The following SLC7A6OS variants were observed in gnomAD, a reference collection of about 807,000 sequenced individuals.
SLC7A6OS encodes solute carrier family 7 member 6 opposite strand, also known as probable RNA polymerase II nuclear localization protein SLC7A6OS.
SLC7A6OS carries 22 observed loss-of-function variants against 34.3 expected under a neutral mutation model. The observed-to-expected ratio is 0.64, with a 90% CI of 0.46 to 0.92. SLC7A6OS has a LOEUF of 0.92. SLC7A6OS is among the 40% of genes least tolerant of loss of function. SLC7A6OS has a pLI of 0.00. For missense variants in SLC7A6OS, 434 were observed against 407.7 expected (o/e 1.06, Z -0.56); for synonymous variants, 199 against 165.0 (o/e 1.21, Z -1.58).
chr16:68,308,054 A>G (rs1369864993), intron 2 of SLC7A6OS, among the ~76,000 whole-genome samples: 1 of 151,996 alleles, frequency 6.6e-6, no homozygotes, highest in Non-Finnish European at 1.5e-5. Context: ...GGCGCCCGCC[A>G]CCACGCCCGG....
intron 2 of SLC7A6OS, 67 bp from the exon 3 acceptor site, chr16:68,304,299 C>A: frequency 6.9e-7 from 1 of 1,446,076 alleles, no homozygotes; most frequent in South Asian, 1.2e-5. Context: ...GAGGAGGAAC[C>A]TATGAGTTGG....
At chr16:68,302,715 G>A (rs1417559442) in intron 3 of SLC7A6OS, among the ~76,000 whole-genome samples, 2 of 152,212 alleles carry the variant, frequency 1.3e-5, no homozygotes, top group Non-Finnish European at 1.5e-5. Context: ...GATAGGACAT[G>A]CTGGACCCCA....
intron 2 of SLC7A6OS, among the ~76,000 whole-genome samples, chr16:68,307,121 C>G (rs2043333052): frequency 6.6e-6 from 1 of 152,146 alleles, no homozygotes; most frequent in South Asian, 2.1e-4. Context: ...ATGTGTCAAC[C>G]TCTTGGATAT....
chr16:68,298,740 AC>A lies in SLC7A6OS; in HGVS notation c.*2534del, dbSNP rs1425253922. ...TTCTGGTGCTCAGGCTGGGCTCTCC[AC>A]CCAAGTTAGGCCTGCTCTGGCCTAA... is the stretch of plus-strand genomic sequence containing the variant. On this transcript the variant is annotated 3_prime_UTR_variant, in exon 5 of 5. Coordinates refer to ENST00000263997, the MANE Select transcript of SLC7A6OS (RefSeq NM_032178.3). 6.6e-6 allele frequency: 1 copy of A among 152,190 alleles called. No individual in the cohort carries two copies. The highest frequency in any genetic ancestry group is 1.5e-5 in the Non-Finnish European group (1 of 68,072). 9.4% of individuals were successfully genotyped at this position (152,190 alleles called of 1,614,324 possible).
intron 2 of SLC7A6OS, among the ~76,000 whole-genome samples, chr16:68,308,439 C>T (rs572832070): frequency 1.3e-5 from 2 of 151,544 alleles, no homozygotes; most frequent in African/African-American, 4.8e-5. Flanking sequence ...ACCAGCCTGG[C>T]CAAGGTGGCG....
Position 68,300,599 on chromosome 16 carries a change from T to C in SLC7A6OS, c.*676A>G, listed in dbSNP as rs1281586356. 1.0e-6 allele frequency: 1 copy of C among 983,534 alleles called. No homozygotes were observed. The highest frequency in any genetic ancestry group is 1.2e-6 in the Non-Finnish European group (1 of 828,292). The allele number at this position is 983,534 out of a possible 1,614,324, so 60.9% of individuals were successfully genotyped here. On this transcript the variant is annotated 3_prime_UTR_variant, in exon 5 of 5. Coordinates refer to ENST00000263997, the MANE Select transcript of SLC7A6OS (RefSeq NM_032178.3). ...TTAGATATTCAGATTTAAAAGGTTT[T>C]CAAAGAATTACTTTCTTCCATGTTC...
intron 2 of SLC7A6OS, among the ~76,000 whole-genome samples, chr16:68,305,542 C>A (rs1171492950): frequency 6.6e-6 from 1 of 152,144 alleles, no homozygotes; most frequent in African/African-American, 2.4e-5. Flanking sequence ...CAGCTCCAAG[C>A]AGACACCACG....
intron 4 of SLC7A6OS, chr16:68,302,008 C>T (rs147389091): frequency 0.012 from 2,385 of 193,016 alleles, 30 homozygotes; most frequent in Middle Eastern, 0.038. Context: ...CCTCTCTCTT[C>T]ATTGGTTTCT....
chr16:68,307,026 C>T (rs187758763), intron 2 of SLC7A6OS, among the ~76,000 whole-genome samples: 7 of 152,262 alleles, frequency 4.6e-5, no homozygotes, highest in Non-Finnish European at 1.0e-4. Flanking sequence ...TTTCACTACA[C>T]ACAGCATTTT....
In SLC7A6OS at chr16:68,302,469, G is replaced by A. The variant is rs143420120; in HGVS notation, c.711C>T (p.Tyr237=). 1.9e-4 allele frequency: 304 copies of A among 1,614,054 alleles called. 1 individual carries two copies. In the East Asian group the frequency reaches 5.7e-3, roughly 30 times the overall value. Residue 237 remains tyrosine, a synonymous_variant, in exon 4 of 5, where the codon TAC becomes TAT. Transcript: ENST00000263997. ...CACTGTTCTCGTCATCTTCATCGTC[G>A]TAAATGTCCTCTGGTTCTTGATCAT... ...VNDDQEPEDI[Y]DDEDDENSEN... is the part of the protein sequence containing the mutation.
rs2043246148 is a variant in SLC7A6OS at position 68,300,218 on chromosome 16, A to G, written c.*1057T>C. ...TCAGTTTCTCAGTTGCGCTAATCACATTTCAAGTGCTCAGCAGCCACCCGT... is the reference window on the plus strand; with the variant it reads ...TCAGTTTCTCAGTTGCGCTAATCACGTTTCAAGTGCTCAGCAGCCACCCGT... On this transcript the variant is annotated 3_prime_UTR_variant, in exon 5 of 5. Transcript: ENST00000263997. 1 of 152,242 alleles carries G rather than the reference A, an allele frequency of 6.6e-6. No individual in the cohort carries two copies. The highest frequency in any genetic ancestry group is 2.1e-4 in the South Asian group (1 of 4,834). 9.4% of individuals were successfully genotyped at this position (152,242 alleles called of 1,614,324 possible). A position where few individuals can be genotyped will look rare whatever the true frequency, so the allele number is the denominator to read the frequency against.
At chr16:68,306,703 G>A (rs1335430221) in intron 2 of SLC7A6OS, among the ~76,000 whole-genome samples, 1 of 151,964 alleles carries the variant, frequency 6.6e-6, no homozygotes, top group Non-Finnish European at 1.5e-5. Flanking sequence ...TGTTGTTCAG[G>A]ATGGTCTTGA....
intron 2 of SLC7A6OS, among the ~76,000 whole-genome samples, chr16:68,309,051 CAAA>C (rs57351239): frequency 1.8e-4 from 12 of 68,428 alleles, no homozygotes; most frequent in African/African-American, 2.0e-4. Context: ...GACTCTGACT[CAAA>C]AAAAAAAAAA....
chr16:68,302,584 A>G, intron 3 of SLC7A6OS, 83 bp from the exon 4 acceptor site: 3 of 1,551,658 alleles, frequency 1.9e-6, no homozygotes, highest in Non-Finnish European at 2.7e-6. Context: ...TACCAGCTTG[A>G]AGAGATATCA....
At chr16:68,310,638 C>A in intron 1 of SLC7A6OS, 25 bp from the exon 2 acceptor site, 3 of 1,583,894 alleles carry the variant, frequency 1.9e-6, no homozygotes, top group Non-Finnish European at 2.6e-6. Flanking sequence ...GGGACGGAGG[C>A]CAGCGTAAGC....
rs903457025 is a variant in SLC7A6OS at position 68,302,099 on chromosome 16, T to C, written c.799+282A>G. On this transcript the variant is annotated intron_variant, in intron 4 of 4. Transcript: ENST00000263997. ...TAAAATTCATGCAGAACCATCTCAT[T>C]TGGAGAGAAAATGAGGCTCAGTGAG... is the stretch of plus-strand genomic sequence containing the variant. The C allele has an allele frequency of 1.2e-5, 5 of 401,090 alleles. No homozygotes were observed. The Admixed American group carries it at 1.7e-4, about 14-fold the overall frequency. The allele number at this position is 401,090 out of a possible 1,614,324, so 24.8% of individuals were successfully genotyped here.
intron 4 of SLC7A6OS, 55 bp from the exon 5 acceptor site, chr16:68,301,460 G>A: frequency 2.6e-6 from 4 of 1,536,122 alleles, no homozygotes; most frequent in South Asian, 2.3e-5. Flanking sequence ...GGCTACTGCA[G>A]GAGCCCCTTC....
At position 68,300,984 on chromosome 16, in the gene SLC7A6OS, T is replaced by C; in HGVS notation, c.*291A>G. On this transcript the variant is annotated 3_prime_UTR_variant, in exon 5 of 5. Coordinates refer to ENST00000263997, the MANE Select transcript of SLC7A6OS (RefSeq NM_032178.3). ...GAACCTGAATGCCAGGAAAAATTCC[T>C]GGGCCAAGAAGCTAAAGCTAAAGAA... is the stretch of plus-strand genomic sequence containing the variant. 1 of 1,044,422 alleles carries C rather than the reference T, an allele frequency of 9.6e-7. No homozygotes were observed. Among genetic ancestry groups the C allele is most frequent in the African/African-American group, 1.7e-5 (1 of 59,548 alleles). 64.7% of individuals were successfully genotyped at this position (1,044,422 alleles called of 1,614,324 possible). A position where few individuals can be genotyped will look rare whatever the true frequency, so the allele number is the denominator to read the frequency against.
At position 68,298,742 on chromosome 16, in the gene SLC7A6OS, C is replaced by CTG. The variant is rs2043218021; in HGVS notation, c.*2532_*2533insCA. ...CTGGTGCTCAGGCTGGGCTCTCCAC[C>CTG]CAAGTTAGGCCTGCTCTGGCCTAAT... On this transcript the variant is annotated 3_prime_UTR_variant, in exon 5 of 5. Transcript: ENST00000263997. 1 of 152,240 alleles carries CTG rather than the reference C, an allele frequency of 6.6e-6. No homozygotes were observed. Among genetic ancestry groups the CTG allele is most frequent in the Non-Finnish European group, 1.5e-5 (1 of 68,084 alleles). 9.4% of individuals were successfully genotyped at this position (152,240 alleles called of 1,614,324 possible).
Sources: allele counts gnomAD v4.1 joint callset (sites outside exome capture counted in the v4.1 genomes callset), GRCh38; gene constraint gnomAD v4.1.1; transcripts MANE v1.5; gene names NCBI Gene and HGNC (gene_info 2026-07-23, HGNC 2026-07-21).